MORN1: variants seen among roughly 807,000 people sequenced by gnomAD.
MORN1 encodes MORN repeat-containing protein 1.
In MORN1, 67 loss-of-function variants were observed where a neutral mutation model predicts 61.9. That is an observed-to-expected ratio of 1.08 (90% CI 0.89 to 1.33). The LOEUF is 1.33. MORN1 is among the 40% of genes most tolerant of loss of function. The pLI, the probability that MORN1 is intolerant of heterozygous loss-of-function variation, is 0.00. For missense variants in MORN1, 752 were observed against 691.2 expected (o/e 1.09, Z -0.99); for synonymous variants, 301 against 292.0 (o/e 1.03, Z -0.31).
chr1:2,332,013 C>G lies in MORN1; in HGVS notation c.1250+4456G>C, dbSNP rs960585429. 2.3e-5 allele frequency: 4 copies of G among 173,738 alleles called. 1 individual carries two copies. The highest frequency in any genetic ancestry group is 9.6e-5 in the African/African-American group (4 of 41,616). The allele number at this position is 173,738 out of a possible 1,614,324, so 10.8% of individuals were successfully genotyped here. Reference sequence around the variant, plus strand: ...GCCTCTCCCGCCGCTGCGCCTCTCCCGCCGCTGCGCCTCTCCCGAAATTAC... The same window carrying G: ...GCCTCTCCCGCCGCTGCGCCTCTCCGGCCGCTGCGCCTCTCCCGAAATTAC... On this transcript the variant is annotated intron_variant, in intron 12 of 13. Transcript: ENST00000378531.
At chr1:2,379,462 A>C (rs1229020237) in intron 6 of MORN1, among the ~76,000 whole-genome samples, 1 of 152,164 alleles carries the variant, frequency 6.6e-6, no homozygotes. Context: ...CGATGGTTTA[A>C]GCTCCCAGGG....
chr1:2,348,253 CGG>C (rs888195467), intron 10 of MORN1, among the ~76,000 whole-genome samples: 9 of 152,202 alleles, frequency 5.9e-5, no homozygotes, highest in African/African-American at 2.2e-4. Flanking sequence ...CAGAGAGACC[CGG>C]GTTACGCATC....
intron 7 of MORN1, among the ~76,000 whole-genome samples, 200 bp downstream of exon 7, chr1:2,374,261 A>G (rs1201253325): frequency 6.6e-6 from 1 of 152,248 alleles, no homozygotes; most frequent in Non-Finnish European, 1.5e-5. Context: ...CAAGTCCGGG[A>G]AGCCCCACTT....
chr1:2,384,917 C>G (rs116163652), intron 6 of MORN1, 61 bp downstream of exon 6: 1 of 1,423,838 alleles, frequency 7.0e-7, no homozygotes, highest in African/African-American at 1.4e-5. Context: ...ACACCCCACG[C>G]GCCCTGCCCA....
chr1:2,370,671 CTTCT>C (rs1642097093), intron 8 of MORN1, among the ~76,000 whole-genome samples: 1 of 118,584 alleles, frequency 8.4e-6, no homozygotes, highest in Non-Finnish European at 1.7e-5. Flanking sequence ...ATTTTTTTTT[CTTCT>C]TTTTTTTTTT....
chr1:2,390,929 A>G (rs1365280090), intron 1 of MORN1, among the ~76,000 whole-genome samples: 1 of 152,116 alleles, frequency 6.6e-6, no homozygotes, highest in Non-Finnish European at 1.5e-5. Flanking sequence ...ATTTTTTAGT[A>G]GAGACCGGGT....
intron 12 of MORN1, among the ~76,000 whole-genome samples, chr1:2,328,306 C>T (rs1350922512): frequency 6.6e-6 from 1 of 152,250 alleles, no homozygotes; most frequent in African/African-American, 2.4e-5. Flanking sequence ...CCCCTTCCTG[C>T]AGCCTGGCCT....
At chr1:2,340,419 C>T (rs1234836219) in intron 10 of MORN1, among the ~76,000 whole-genome samples, 2 of 152,142 alleles carry the variant, frequency 1.3e-5, no homozygotes, top group Non-Finnish European at 2.9e-5. Flanking sequence ...CCTGCCCTGC[C>T]CCTGGCCACT....
chr1:2,367,791 C>T (rs1642028944), intron 8 of MORN1, among the ~76,000 whole-genome samples: 1 of 152,164 alleles, frequency 6.6e-6, no homozygotes, highest in Admixed American at 6.5e-5. Flanking sequence ...CTATGCCCAG[C>T]TAGTTTTCGT....
chr1:2,368,640 C>T (rs1020124284), intron 8 of MORN1, among the ~76,000 whole-genome samples: 17 of 152,160 alleles, frequency 1.1e-4, no homozygotes, highest in African/African-American at 3.9e-4. Context: ...ATCTCCATTT[C>T]TCCAACTAAG....
In MORN1 at chr1:2,388,230, A is replaced by G. The variant is rs2100378617; in HGVS notation, c.247+9T>C. The G allele has an allele frequency of 1.2e-6, 2 of 1,610,228 alleles. No individual in the cohort carries two copies. The highest frequency in any genetic ancestry group is 1.3e-5 in the African/African-American group (1 of 74,994). On this transcript the variant is annotated intron_variant, in intron 3 of 13. Transcript: ENST00000378531. Reference sequence around the variant, plus strand: ...AAGGAGTGAATGTGCCATCCCAGCTAGAGCTCACCTGACCAGGCCCAGTGC... The same window carrying G: ...AAGGAGTGAATGTGCCATCCCAGCTGGAGCTCACCTGACCAGGCCCAGTGC...
chr1:2,385,722 T>A (rs564104243), intron 5 of MORN1, 85 bp downstream of exon 5: 3 of 1,287,718 alleles, frequency 2.3e-6, no homozygotes, highest in African/African-American at 2.9e-5. Context: ...ATGGCAGTCC[T>A]GTCTACACCC....
intron 10 of MORN1, among the ~76,000 whole-genome samples, chr1:2,342,847 ATTTTATTTTATTTTATTTTATTTAT>A (rs1641425044): frequency 1.0e-5 from 1 of 98,308 alleles, no homozygotes; most frequent in African/African-American, 4.3e-5. Flanking sequence ...TTTATATTTT[ATTTTATTTTATTTTATTTTATTTAT>A]TTTATTTTAT....
chr1:2,382,378 A>T (rs934492100), intron 6 of MORN1, among the ~76,000 whole-genome samples: 1 of 152,156 alleles, frequency 6.6e-6, no homozygotes, highest in African/African-American at 2.4e-5. Flanking sequence ...CCCTGCTCGG[A>T]CTGGTGGGGA....
intron 10 of MORN1, among the ~76,000 whole-genome samples, chr1:2,341,123 C>T (rs942576848): frequency 3.9e-5 from 6 of 152,242 alleles, no homozygotes; most frequent in East Asian, 3.8e-4. Context: ...CTCCTCCCGA[C>T]GGAGCCTCTC....
intron 10 of MORN1, among the ~76,000 whole-genome samples, chr1:2,341,806 GCCCA>G (rs1455252714): frequency 1.3e-5 from 2 of 152,188 alleles, no homozygotes; most frequent in African/African-American, 2.4e-5. Flanking sequence ...ACAGCGCAGC[GCCCA>G]CCGTCAGTGG....
chr1:2,324,298 C>A (rs556318592), intron 12 of MORN1, among the ~76,000 whole-genome samples, 155 bp from the exon 13 acceptor site: 1 of 152,156 alleles, frequency 6.6e-6, no homozygotes, highest in Non-Finnish European at 1.5e-5. Context: ...ATGGGCAGGA[C>A]GGGGAGAGTC....
chr1:2,350,443 A>G (rs1283127200), intron 10 of MORN1: 2 of 152,270 alleles, frequency 1.3e-5, no homozygotes, highest in African/African-American at 4.8e-5. Context: ...TATTTGTACC[A>G]GTGAAAGGCA....
chr1:2,369,908 A>G (rs76578170), intron 8 of MORN1, among the ~76,000 whole-genome samples: 1,820 of 152,284 alleles, frequency 0.012, 39 homozygotes, highest in African/African-American at 0.042. Flanking sequence ...TCATCTGGAC[A>G]TTCTCTCCAG....
Sources: gnomAD v4.1 joint callset for allele counts (sites outside exome capture counted in the v4.1 genomes callset) on GRCh38, gnomAD v4.1.1 for gene constraint, MANE v1.5 for transcripts, NCBI Gene and HGNC (gene_info 2026-07-23, HGNC 2026-07-21) for gene names.